SEPTIN14: variants seen among roughly 807,000 people sequenced by gnomAD.
SEPTIN14 encodes septin 14.
A neutral mutation model predicts 53.6 loss-of-function variants in SEPTIN14; 40 were observed. That is an observed-to-expected ratio of 0.75 (90% confidence interval 0.58 to 0.97). SEPTIN14 has a LOEUF of 0.97. Among genes scored for constraint, SEPTIN14 ranks in the 50% least tolerant of loss-of-function variants. SEPTIN14 has a pLI of 0.00. For synonymous variants in SEPTIN14, 138 were observed against 166.8 expected, an observed-to-expected ratio of 0.83 and a Z score of 1.33; for missense variants, 471 against 508.2, an observed-to-expected ratio of 0.93 and a Z score of 0.70.
chr7:55,823,658 C>G (rs953830507), intron 6 of SEPTIN14, among the ~76,000 whole-genome samples: 1 of 152,154 alleles, frequency 6.6e-6, no homozygotes, highest in Non-Finnish European at 1.5e-5. Context: ...CTGGAGGTCC[C>G]TGGCTGGCAA....
chr7:55,861,935 T>C lies in SEPTIN14; in HGVS notation c.54+8A>G, dbSNP rs1235554143. 3.9e-6 allele frequency: 6 copies of C among 1,540,200 alleles called. No homozygotes were observed. In the African/African-American group the frequency reaches 4.1e-5, roughly 11 times the overall value. ...AATGCAGAGTTATATTTGAAAGATA[T>C]ACTTAACTGTATCTCCATCAGCAGG... On this transcript the variant is annotated splice_region_variant and intron_variant, in intron 2 of 9. Transcript: ENST00000388975.
At position 55,794,043 on chromosome 7, in the gene SEPTIN14, A is replaced by G. The variant is rs189905104; in HGVS notation, c.*1870T>C. 2.7e-3 allele frequency: 416 copies of G among 152,254 alleles called. 3 individuals carry two copies. Among genetic ancestry groups the G allele is most frequent in the African/African-American group, 9.3e-3 (386 of 41,578 alleles). The allele number at this position is 152,254 out of a possible 1,614,324, so 9.4% of individuals were successfully genotyped here. On this transcript the variant is annotated 3_prime_UTR_variant, in exon 10 of 10. Coordinates refer to ENST00000388975, the MANE Select transcript of SEPTIN14 (RefSeq NM_207366.3). ...AAACCAACACTAATTTTTTTTAGAA[A>G]AAATTATGGAAAATAAAAATATGCC...
rs1789648678 is a variant in SEPTIN14 at position 55,857,325 on chromosome 7, T to C, written c.54+4618A>G. Among the ~76,000 whole-genome samples the C allele has an allele frequency of 2.7e-5, 4 of 149,274 alleles. No individual in the cohort carries two copies. The East Asian group carries it at 6.2e-4, about 23-fold the overall frequency. On this transcript the variant is annotated intron_variant, in intron 2 of 9. Transcript: ENST00000388975. Reference sequence around the variant, plus strand: ...AGGCAGAGGCTGCAGTGAGCCAAGATTGAGCCATTGAACTCCAGCCTGGGC... The same window carrying C: ...AGGCAGAGGCTGCAGTGAGCCAAGACTGAGCCATTGAACTCCAGCCTGGGC...
At chr7:55,836,024 A>T (rs2116035704) in intron 5 of SEPTIN14, among the ~76,000 whole-genome samples, 1 of 152,234 alleles carries the variant, frequency 6.6e-6, no homozygotes, top group Non-Finnish European at 1.5e-5. Flanking sequence ...TATAGGCATG[A>T]GCCACCACAC....
intron 9 of SEPTIN14, among the ~76,000 whole-genome samples, chr7:55,804,257 G>T (rs1184420987): frequency 3.3e-5 from 5 of 149,376 alleles, no homozygotes; most frequent in African/African-American, 9.8e-5. Context: ...CTAATGGTTT[G>T]GTTTTTTTTG....
intron 5 of SEPTIN14, among the ~76,000 whole-genome samples, chr7:55,840,593 A>G (rs1364150303): frequency 1.3e-5 from 2 of 152,150 alleles, no homozygotes; most frequent in Admixed American, 1.3e-4. Flanking sequence ...CAGAGATTTC[A>G]GAAGAAAGCA....
intron 3 of SEPTIN14, among the ~76,000 whole-genome samples, chr7:55,845,912 A>G (rs1387074196): frequency 1.3e-5 from 2 of 149,382 alleles, no homozygotes; most frequent in African/African-American, 4.9e-5. Flanking sequence ...AGCCGGGTGT[A>G]TTGGCGGGCG....
At chr7:55,811,233 C>T (rs776998337) in intron 7 of SEPTIN14, 11 of 527,464 alleles carry the variant, frequency 2.1e-5, no homozygotes, top group Middle Eastern at 3.0e-4. Flanking sequence ...CTTGGGGAGC[C>T]GCAGGATCTG....
At chr7:55,814,595 G>C (rs1053953169) in intron 7 of SEPTIN14, among the ~76,000 whole-genome samples, 7 of 151,850 alleles carry the variant, frequency 4.6e-5, no homozygotes, top group Non-Finnish European at 1.0e-4. Context: ...CATAACCAAA[G>C]AAATGAAAAA....
intron 7 of SEPTIN14, chr7:55,811,101 G>A (rs1181806641): frequency 8.6e-6 from 4 of 467,606 alleles, no homozygotes; most frequent in Non-Finnish European, 1.7e-5. Context: ...AGATGTCAGG[G>A]GTGTTTGAAT....
At chr7:55,817,937 GATTA>G (rs1264249663) in intron 7 of SEPTIN14, among the ~76,000 whole-genome samples, 1 of 151,912 alleles carries the variant, frequency 6.6e-6, no homozygotes, top group Non-Finnish European at 1.5e-5. Context: ...TGTCAATTAA[GATTA>G]ATTAATGAAA....
intron 2 of SEPTIN14, among the ~76,000 whole-genome samples, chr7:55,857,444 G>T (rs1267255524): frequency 3.4e-5 from 4 of 118,944 alleles, no homozygotes; most frequent in Admixed American, 1.9e-4. Context: ...GAGAGAAAAG[G>T]AAAGGAAGGG....
intron 2 of SEPTIN14, among the ~76,000 whole-genome samples, chr7:55,854,114 CTG>C (rs1199036612): frequency 6.6e-6 from 1 of 151,410 alleles, no homozygotes; most frequent in Admixed American, 6.6e-5. Flanking sequence ...GAGTAAAACC[CTG>C]TCTCAAAAAA....
At chr7:55,832,856 A>G (rs531965609) in intron 6 of SEPTIN14, among the ~76,000 whole-genome samples, 1 of 152,178 alleles carries the variant, frequency 6.6e-6, no homozygotes, top group African/African-American at 2.4e-5. Flanking sequence ...TCTCAAAAAA[A>G]AAATGATCTG....
intron 2 of SEPTIN14, among the ~76,000 whole-genome samples, chr7:55,854,452 C>G (rs112595516): frequency 3.2e-3 from 479 of 151,060 alleles, no homozygotes; most frequent in African/African-American, 0.011. Context: ...TTTTTTGAGA[C>G]GGAGTCTCGC....
Position 55,807,252 on chromosome 7 carries a change from T to C in SEPTIN14, c.824A>G (p.Asn275Ser). 1 of 1,571,210 alleles carries C rather than the reference T, an allele frequency of 6.4e-7. No homozygotes were observed. The highest frequency in any genetic ancestry group is 8.6e-7 in the Non-Finnish European group (1 of 1,163,530). Residue 275 changes from asparagine (N) to serine (S), a missense_variant, in exon 8 of 10, where the codon AAT becomes AGT. By Grantham distance (46) the Asn-to-Ser change is conservative. Coordinates refer to ENST00000388975, the MANE Select transcript of SEPTIN14 (RefSeq NM_207366.3). ...HYPWGVLQVE[N>S]ENHCDFVKLR... is the part of the protein sequence containing the mutation. ...CTTAACGAAGTCACAGTGATTTTCA[T>C]TTTCCACTAGTAAAAAAATAATAAT... is the stretch of plus-strand genomic sequence containing the variant.
At chr7:55,822,997 C>T (rs1180016370) in intron 6 of SEPTIN14, among the ~76,000 whole-genome samples, 2 of 152,120 alleles carry the variant, frequency 1.3e-5, no homozygotes, top group Non-Finnish European at 2.9e-5. Flanking sequence ...CAAAAAATTG[C>T]AAGTTAGCTC....
At chr7:55,802,283 G>A (rs150597503) in intron 9 of SEPTIN14, among the ~76,000 whole-genome samples, 2,651 of 152,206 alleles carry the variant, frequency 0.017, 25 homozygotes, top group Middle Eastern at 0.044. Flanking sequence ...GGGATTACAG[G>A]CATGAGCCAC....
At chr7:55,825,206 C>T (rs1019705104) in intron 6 of SEPTIN14, among the ~76,000 whole-genome samples, 4 of 152,018 alleles carry the variant, frequency 2.6e-5, no homozygotes, top group Non-Finnish European at 5.9e-5. Context: ...CACAGAGAAA[C>T]CTTAAATACA....
Sources: allele counts gnomAD v4.1 joint callset (sites outside exome capture counted in the v4.1 genomes callset), GRCh38; gene constraint gnomAD v4.1.1; transcripts MANE v1.5; gene names NCBI Gene and HGNC (gene_info 2026-07-23, HGNC 2026-07-21).